Variants in ZBTB34 observed in about 807,000 individuals in gnomAD.
The protein encoded by ZBTB34 is zinc finger and BTB domain-containing protein 34.
A neutral mutation model predicts 33.4 loss-of-function variants in ZBTB34; 1 was observed. That is an observed-to-expected ratio of 0.03 (90% CI 0.01 to 0.14). The LOEUF is 0.14. Among genes scored for constraint, ZBTB34 ranks in the 10% least tolerant of loss-of-function variants. The probability of loss-of-function intolerance (pLI) is 1.00; values close to 1 mark genes in which losing one functional copy is unlikely to be tolerated. For missense variants in ZBTB34, 406 were observed against 657.2 expected (o/e 0.62, Z 4.18); for synonymous variants, 283 against 253.5 (o/e 1.12, Z -1.11).
chr9:126,879,176 G>C lies in ZBTB34; in HGVS notation c.-10-214G>C, dbSNP rs1024023261. ...TTACTTTTGATCAAGATGAATATTAGGCAATTATGACATTAGGCTAATTGA... is the reference window on the plus strand; with the variant it reads ...TTACTTTTGATCAAGATGAATATTACGCAATTATGACATTAGGCTAATTGA... On this transcript the variant is annotated intron_variant, in intron 1 of 1. Transcript: ENST00000319119. The surrounding 1 kb of genome is among the most constrained non-coding windows in gnomAD (Gnocchi z 6.4). Among the ~76,000 whole-genome samples, 19 of 152,246 alleles carry C rather than the reference G, an allele frequency of 1.2e-4. No individual in the cohort carries two copies. Among genetic ancestry groups the C allele is most frequent in the Admixed American group, 7.8e-4 (12 of 15,294 alleles).
At chr9:126,876,537 T>A (rs1349327340) in intron 1 of ZBTB34, among the ~76,000 whole-genome samples, 2 of 152,088 alleles carry the variant, frequency 1.3e-5, no homozygotes, top group Non-Finnish European at 2.9e-5. Flanking sequence ...TTGGTCATAA[T>A]ATATTATTTT....
chr9:126,867,773 T>TC (rs1285393514), intron 1 of ZBTB34, among the ~76,000 whole-genome samples: 1 of 151,876 alleles, frequency 6.6e-6, no homozygotes, highest in Non-Finnish European at 1.5e-5. Context: ...TTGTTTTTTT[T>TC]TTTTTGGTGA....
Position 126,880,894 on chromosome 9 carries a change from G to A in ZBTB34, c.1495G>A (p.Val499Met). Residue 499 changes from valine to methionine, a missense_variant, in exon 2 of 2, where the codon GTG becomes ATG. Val to Met is a conservative substitution (Grantham distance 21). Coordinates refer to ENST00000319119, the Ensembl canonical transcript of ZBTB34. The surrounding 1 kb of genome is among the most constrained non-coding windows in gnomAD (Gnocchi z 6.7). ...AGATTCCCGGATGGAAATTCACACA[G>A]TGTCTGATGCTCCCGATTAAGATGG... 1 of 1,611,634 alleles carries A rather than the reference G, an allele frequency of 6.2e-7. No homozygotes were observed. The highest frequency in any genetic ancestry group is 8.5e-7 in the Non-Finnish European group (1 of 1,178,828).
chr9:126,861,979 G>C (rs2033148701), intron 1 of ZBTB34, among the ~76,000 whole-genome samples: 1 of 152,200 alleles, frequency 6.6e-6, no homozygotes, highest in Non-Finnish European at 1.5e-5. Context: ...GAAAGTAGTA[G>C]AAGGCACACT....
Sources: allele counts gnomAD v4.1 joint callset (sites outside exome capture counted in the v4.1 genomes callset), GRCh38; gene constraint gnomAD v4.1.1; non-coding constraint Gnocchi (gnomAD v3.1); transcripts MANE v1.5; gene names NCBI Gene and HGNC (gene_info 2026-07-23, HGNC 2026-07-21).